The following PCDH15 variants were observed in gnomAD, a reference collection of about 807,000 sequenced individuals.
PCDH15 encodes protocadherin related 15, also known as protocadherin-15.
Under a neutral mutation model 178.5 loss-of-function variants are expected in PCDH15, and 129 were observed. The observed-to-expected ratio is 0.72, with a 90% CI of 0.63 to 0.84. The LOEUF (loss-of-function observed/expected upper bound fraction) is 0.84, where lower values mean the gene tolerates loss of function less well. PCDH15 is among the 40% of genes least tolerant of loss of function. The pLI is 0.00. For synonymous variants in PCDH15, 800 were observed against 732.0 expected (o/e 1.09, Z -1.50); for missense variants, 2,230 against 2,099.9 (o/e 1.06, Z -1.21).
At chr10:54,825,794 A>G (rs1220016527) in intron 3 of PCDH15, among the ~76,000 whole-genome samples, 2 of 152,118 alleles carry the variant, frequency 1.3e-5, no homozygotes, top group African/African-American at 4.8e-5. Flanking sequence ...AGTCATCTTG[A>G]CTAATTAGCA....
intron 3 of PCDH15, among the ~76,000 whole-genome samples, chr10:54,518,930 C>A (rs1182210622): frequency 6.6e-6 from 1 of 152,100 alleles, no homozygotes; most frequent in Non-Finnish European, 1.5e-5. Context: ...TAAATGTAAT[C>A]CAGCATATAA....
At chr10:55,284,709 G>T (rs1209360046) in intron 1 of PCDH15, among the ~76,000 whole-genome samples, 2 of 151,842 alleles carry the variant, frequency 1.3e-5, no homozygotes, top group Non-Finnish European at 1.5e-5. Context: ...TTTGCCTTTG[G>T]ACTTAAATAC....
At chr10:54,100,221 C>T (rs569450477) in intron 15 of PCDH15, among the ~76,000 whole-genome samples, 85 of 151,942 alleles carry the variant, frequency 5.6e-4, no homozygotes, top group Middle Eastern at 3.4e-3. Context: ...AAAAATTTGC[C>T]GGGCGTAGTG....
intron 3 of PCDH15, among the ~76,000 whole-genome samples, chr10:54,430,472 C>A (rs1956834200): frequency 6.6e-6 from 1 of 152,032 alleles, no homozygotes; most frequent in Non-Finnish European, 1.5e-5. Context: ...TCTTATCTAA[C>A]CACAATGGAA....
chr10:55,229,774 T>C (rs1009150964), intron 1 of PCDH15, among the ~76,000 whole-genome samples: 11 of 152,048 alleles, frequency 7.2e-5, no homozygotes, highest in Admixed American at 3.9e-4. Flanking sequence ...GAAATTTCCT[T>C]TGGAGTAGTA....
At chr10:54,951,522 A>G (rs1670839) in intron 2 of PCDH15, among the ~76,000 whole-genome samples, 2,818 of 152,032 alleles carry the variant, frequency 0.019, 83 homozygotes, top group African/African-American at 0.062. Flanking sequence ...TGCTATAAAC[A>G]TTGTGGGTGA....
intron 2 of PCDH15, among the ~76,000 whole-genome samples, chr10:55,577,812 T>A (rs1842524969): frequency 6.6e-6 from 1 of 152,214 alleles, no homozygotes; most frequent in African/African-American, 2.4e-5. Flanking sequence ...TTTGCTGACA[T>A]CTTTTATATA....
chr10:54,700,165 C>A (rs72794525), intron 1 of PCDH15, among the ~76,000 whole-genome samples: 2 of 152,114 alleles, frequency 1.3e-5, no homozygotes, highest in East Asian at 3.9e-4. Context: ...CCACCATATT[C>A]CTCTATCAAA....
chr10:54,338,363 C>T (rs1190249246), intron 6 of PCDH15, among the ~76,000 whole-genome samples: 2 of 152,176 alleles, frequency 1.3e-5, no homozygotes, highest in Admixed American at 6.5e-5. Flanking sequence ...TAAGTAATCA[C>T]TGTTTTAGCT....
chr10:54,639,842 T>C (rs2093951371), intron 2 of PCDH15, among the ~76,000 whole-genome samples: 1 of 152,180 alleles, frequency 6.6e-6, no homozygotes. Flanking sequence ...CACCTGAAAC[T>C]ATCACTATTT....
intron 2 of PCDH15, among the ~76,000 whole-genome samples, chr10:54,555,736 C>CAA (rs869032040): frequency 2.9e-4 from 21 of 73,300 alleles, no homozygotes; most frequent in South Asian, 1.3e-3. Flanking sequence ...GACTCTGTCT[C>CAA]AAAAAAAAAA....
intron 8 of PCDH15, among the ~76,000 whole-genome samples, chr10:54,282,693 T>C (rs1274195064): frequency 6.6e-6 from 1 of 152,104 alleles, no homozygotes; most frequent in African/African-American, 2.4e-5. Flanking sequence ...GAAATAAATA[T>C]TTCATTAGAC....
intron 25 of PCDH15, among the ~76,000 whole-genome samples, chr10:53,924,904 T>C (rs937800988): frequency 4.6e-5 from 7 of 152,192 alleles, no homozygotes; most frequent in Admixed American, 2.0e-4. Flanking sequence ...AATGCACCAA[T>C]CAGTGCTCTG....
At chr10:55,314,740 C>T (rs752649871) in intron 1 of PCDH15, among the ~76,000 whole-genome samples, 2 of 152,080 alleles carry the variant, frequency 1.3e-5, no homozygotes, top group South Asian at 4.1e-4. Flanking sequence ...AGCTCAGTTA[C>T]GTTTTTCCAC....
intron 2 of PCDH15, among the ~76,000 whole-genome samples, chr10:55,576,991 C>A (rs1252174172): frequency 6.6e-6 from 1 of 152,128 alleles, no homozygotes; most frequent in Non-Finnish European, 1.5e-5. Flanking sequence ...TGCCTGTAAT[C>A]CCAGCACTTT....
chr10:54,542,495 G>C (rs1202022817), intron 2 of PCDH15, among the ~76,000 whole-genome samples: 1 of 152,122 alleles, frequency 6.6e-6, no homozygotes, highest in Non-Finnish European at 1.5e-5. Context: ...TGAGAGTTAT[G>C]AAAGAAGATG....
At chr10:55,042,141 G>A (rs1033472426) in intron 2 of PCDH15, among the ~76,000 whole-genome samples, 6 of 152,050 alleles carry the variant, frequency 3.9e-5, no homozygotes, top group African/African-American at 1.4e-4. Flanking sequence ...AAGATTCTTA[G>A]ACATGAAGAT....
intron 8 of PCDH15, among the ~76,000 whole-genome samples, chr10:54,286,830 G>A (rs2059058534): frequency 6.6e-6 from 1 of 152,172 alleles, no homozygotes; most frequent in Non-Finnish European, 1.5e-5. Context: ...GTTTTGCCAT[G>A]TTGGCCAGGC....
chr10:55,478,558 C>T (rs1161230010), intron 2 of PCDH15, among the ~76,000 whole-genome samples: 1 of 151,068 alleles, frequency 6.6e-6, no homozygotes, highest in East Asian at 1.9e-4. Flanking sequence ...AGAAAGATTT[C>T]AACTAAAGGA....
Sources: gnomAD v4.1 joint callset for allele counts (sites outside exome capture counted in the v4.1 genomes callset) on GRCh38, gnomAD v4.1.1 for gene constraint, MANE v1.5 for transcripts, NCBI Gene and HGNC (gene_info 2026-07-23, HGNC 2026-07-21) for gene names.